Variants in SOX5 observed in about 807,000 individuals in gnomAD.
The protein encoded by SOX5 is SRY-box transcription factor 5.
SOX5 carries 9 observed loss-of-function variants against 92.0 expected under a neutral mutation model. That is an observed-to-expected ratio of 0.10 (90% CI 0.06 to 0.17). The LOEUF (loss-of-function observed/expected upper bound fraction) is 0.17. Ranked by LOEUF, SOX5 falls within the 10% of genes least tolerant of loss-of-function variation. The probability of loss-of-function intolerance (pLI) is 1.00; values close to 1 mark genes in which losing one functional copy is unlikely to be tolerated. For synonymous variants in SOX5, 344 were observed against 336.3 expected, an observed-to-expected ratio of 1.02 and a Z score of -0.25; for missense variants, 642 against 944.5, an observed-to-expected ratio of 0.68 and a Z score of 4.20.
intron 2 of SOX5, among the ~76,000 whole-genome samples, chr12:24,330,373 G>A (rs910421445): frequency 2.6e-5 from 4 of 152,182 alleles, no homozygotes; most frequent in African/African-American, 4.8e-5. Flanking sequence ...GGAAAAGCTC[G>A]TTTGTACAAA....
At chr12:24,452,651 T>G (rs1942475290) in intron 1 of SOX5, among the ~76,000 whole-genome samples, 1 of 152,172 alleles carries the variant, frequency 6.6e-6, no homozygotes. Flanking sequence ...GTGTGAAGGC[T>G]TTAGCTATAA....
intron 6 of SOX5, among the ~76,000 whole-genome samples, chr12:23,704,105 C>T (rs1254608278): frequency 6.6e-6 from 1 of 151,800 alleles, no homozygotes; most frequent in East Asian, 1.9e-4. Flanking sequence ...ATTATCATTA[C>T]CCTTCCTTTT....
At chr12:24,254,886 C>G (rs531870416) in intron 3 of SOX5, among the ~76,000 whole-genome samples, 1 of 152,164 alleles carries the variant, frequency 6.6e-6, no homozygotes, top group African/African-American at 2.4e-5. Context: ...GTGTCTCCAT[C>G]ATTCATAATT....
At chr12:23,674,423 C>T (rs545771122) in intron 6 of SOX5, among the ~76,000 whole-genome samples, 11 of 141,602 alleles carry the variant, frequency 7.8e-5, no homozygotes, top group Non-Finnish European at 1.5e-4. Flanking sequence ...CTGCAACCTC[C>T]GCCTCCCGGG....
chr12:23,592,931 T>C (rs1176962660), intron 9 of SOX5, among the ~76,000 whole-genome samples: 2 of 151,848 alleles, frequency 1.3e-5, no homozygotes, highest in African/African-American at 4.8e-5. Flanking sequence ...ATACAAAAAT[T>C]AGCTGGGTGT....
At chr12:23,934,381 T>C (rs948626670) in intron 1 of SOX5, among the ~76,000 whole-genome samples, 5 of 150,368 alleles carry the variant, frequency 3.3e-5, no homozygotes, top group South Asian at 2.1e-4. Context: ...AAATCAATTT[T>C]ATATATTATA....
intron 1 of SOX5, among the ~76,000 whole-genome samples, chr12:24,540,782 CATA>C (rs1952052043): frequency 2.0e-5 from 3 of 152,096 alleles, no homozygotes; most frequent in African/African-American, 7.2e-5. Flanking sequence ...AATATGAATG[CATA>C]AATTATAGTG....
chr12:24,005,984 A>G (rs899914631), intron 4 of SOX5, among the ~76,000 whole-genome samples: 1 of 152,184 alleles, frequency 6.6e-6, no homozygotes, highest in Admixed American at 6.5e-5. Context: ...TTCAATCTGC[A>G]CGTAGAATAG....
At chr12:24,496,921 A>G (rs1597318261) in intron 1 of SOX5, among the ~76,000 whole-genome samples, 1 of 152,072 alleles carries the variant, frequency 6.6e-6, no homozygotes, top group Admixed American at 6.6e-5. Context: ...TCATCTCCCC[A>G]CTATTTGTGG....
intron 11 of SOX5, among the ~76,000 whole-genome samples, chr12:23,562,151 T>C (rs979774284): frequency 6.6e-6 from 1 of 152,214 alleles, no homozygotes; most frequent in Admixed American, 6.5e-5. Flanking sequence ...AGGACACCAA[T>C]GTCATACGTC....
intron 1 of SOX5, among the ~76,000 whole-genome samples, chr12:23,910,354 G>T (rs557712376): frequency 1.3e-5 from 2 of 152,168 alleles, no homozygotes; most frequent in Admixed American, 6.5e-5. Flanking sequence ...TTGAAGGAAA[G>T]TTAGGCTAAG....
At chr12:24,417,390 G>A (rs1338604836) in intron 1 of SOX5, among the ~76,000 whole-genome samples, 2 of 152,328 alleles carry the variant, frequency 1.3e-5, no homozygotes, top group East Asian at 3.9e-4. Context: ...TGGGCATATA[G>A]CAAGTGCTTA....
chr12:24,227,445 T>C (rs1962320516), intron 3 of SOX5: 1 of 152,228 alleles, frequency 6.6e-6, no homozygotes, highest in Non-Finnish European at 1.5e-5. Flanking sequence ...TGAAGTGGAC[T>C]GAAATATCAC....
In SOX5 at chr12:24,260,730, T is replaced by C. The variant is rs79117354; in HGVS notation, c.-77+16486A>G. 3.2e-3 allele frequency among the ~76,000 whole-genome samples: 492 copies of C among 152,330 alleles called. 2 individuals are homozygous for C. The highest frequency in any genetic ancestry group is 0.011 in the African/African-American group (438 of 41,584). Reference sequence around the variant, plus strand: ...ATCACATGTCTCTTAGCTCTCTTCTTCTTCTAAAGTGCTGAAATTCTAAGT... The same window carrying C: ...ATCACATGTCTCTTAGCTCTCTTCTCCTTCTAAAGTGCTGAAATTCTAAGT... On this transcript the variant is annotated intron_variant, in intron 3 of 4. Coordinates refer to the SOX5 transcript ENST00000446891.
chr12:23,626,106 AAAAG>A (rs2077750579), intron 8 of SOX5, among the ~76,000 whole-genome samples: 2 of 152,196 alleles, frequency 1.3e-5, no homozygotes, highest in Admixed American at 1.3e-4. Flanking sequence ...AGGAAAGAGA[AAAAG>A]AAAGAGACAG....
intron 4 of SOX5, among the ~76,000 whole-genome samples, chr12:24,197,788 G>A (rs568069360): frequency 2.8e-4 from 42 of 152,302 alleles, no homozygotes; most frequent in African/African-American, 9.1e-4. Flanking sequence ...AGCATGAGGA[G>A]ACAGCTGGCT....
chr12:24,058,473 C>A (rs372200261), intron 4 of SOX5, among the ~76,000 whole-genome samples: 3 of 152,282 alleles, frequency 2.0e-5, no homozygotes, highest in South Asian at 4.1e-4. Flanking sequence ...AAAATCACTT[C>A]TGTCTCTAGG....
intron 1 of SOX5, among the ~76,000 whole-genome samples, chr12:24,497,971 C>T (rs1287986308): frequency 6.6e-6 from 1 of 152,078 alleles, no homozygotes; most frequent in Non-Finnish European, 1.5e-5. Context: ...ACTGCACGTT[C>T]CCACCTATAG....
intron 1 of SOX5, among the ~76,000 whole-genome samples, chr12:24,478,009 A>G (rs1200502541): frequency 6.6e-6 from 1 of 152,188 alleles, no homozygotes; most frequent in Non-Finnish European, 1.5e-5. Flanking sequence ...AAAACTTTCC[A>G]AAAAGAAGCT....
Sources: gnomAD v4.1 joint callset for allele counts (sites outside exome capture counted in the v4.1 genomes callset) on GRCh38, gnomAD v4.1.1 for gene constraint, MANE v1.5 for transcripts, NCBI Gene and HGNC (gene_info 2026-07-23, HGNC 2026-07-21) for gene names.